Variants in ACO2 observed in about 807,000 individuals in gnomAD.
The protein encoded by ACO2 is aconitate hydratase, mitochondrial.
Under a neutral mutation model 84.5 loss-of-function variants are expected in ACO2, and 31 were observed. The ratio of observed to expected loss-of-function variants is 0.37; its 90% CI spans 0.28 to 0.50. ACO2 has a LOEUF of 0.50. ACO2 is among the 20% of genes least tolerant of loss of function. The pLI is 0.97. For synonymous variants in ACO2, 414 were observed against 412.7 expected, an observed-to-expected ratio of 1.00 and a Z score of -0.04; for missense variants, 685 against 1,029.3, an observed-to-expected ratio of 0.67 and a Z score of 4.58.
intron 1 of ACO2, among the ~76,000 whole-genome samples, chr22:41,471,594 G>C (rs1472152634): frequency 6.6e-6 from 1 of 152,160 alleles, no homozygotes; most frequent in Non-Finnish European, 1.5e-5. Flanking sequence ...AGCTTCCACT[G>C]TATTCTAATG....
Position 41,520,192 on chromosome 22 carries a change from C to T in ACO2, c.1054C>T (p.Pro352Ser). Residue 352 changes from proline (P) to serine (S), a missense_variant, in exon 9 of 18, where the codon CCC becomes TCC. By Grantham distance (74) the Pro-to-Ser change is moderately conservative. Coordinates refer to ENST00000216254, the MANE Select transcript of ACO2 (RefSeq NM_001098.3). ...LSELKPHING[P>S]FTPDLAHPVA... ...TCAGCTGAAGCCACACATCAATGGGCCCTTCACCCCTGACCTGGCTCACCC... is the reference window on the plus strand; with the variant it reads ...TCAGCTGAAGCCACACATCAATGGGTCCTTCACCCCTGACCTGGCTCACCC... The T allele has an allele frequency of 1.9e-6, 3 of 1,613,698 alleles. No individual in the cohort carries two copies. The highest frequency in any genetic ancestry group is 2.5e-6 in the Non-Finnish European group (3 of 1,179,740).
At chr22:41,483,138 C>T (rs1163565776) in intron 1 of ACO2, among the ~76,000 whole-genome samples, 1 of 152,164 alleles carries the variant, frequency 6.6e-6, no homozygotes, top group Non-Finnish European at 1.5e-5. Context: ...GAAAGTATTT[C>T]TTCTAGATGA....
intron 1 of ACO2, among the ~76,000 whole-genome samples, chr22:41,497,560 G>A (rs2066323517): frequency 6.6e-6 from 1 of 151,726 alleles, no homozygotes; most frequent in African/African-American, 2.4e-5. Context: ...GGGCAATGTA[G>A]TGAGACCCTA....
chr22:41,494,657 T>C (rs919061808), intron 1 of ACO2, among the ~76,000 whole-genome samples: 2 of 151,476 alleles, frequency 1.3e-5, no homozygotes, highest in African/African-American at 2.4e-5. Flanking sequence ...GTGATCCGCC[T>C]ACCTCGGCCT....
chr22:41,472,718 G>C (rs1477494019), intron 1 of ACO2, among the ~76,000 whole-genome samples: 2 of 152,166 alleles, frequency 1.3e-5, no homozygotes, highest in Non-Finnish European at 2.9e-5. Context: ...AAAGTGCTGA[G>C]ATTACAAGCG....
rs757401683 is a variant in ACO2, at chr22:41,527,943, C to A, written c.2129C>A (p.Ala710Asp). The A allele has an allele frequency of 2.5e-6, 4 of 1,614,092 alleles. No individual in the cohort carries two copies. In the African/African-American group the frequency reaches 5.3e-5, roughly 22 times the overall value. Residue 710 changes from alanine (A) to aspartate (D), a missense_variant, in exon 17 of 18, where the codon GCT (alanine) becomes GAT (aspartate). Physicochemically the swap from Ala to Asp is moderately radical, Grantham distance 126. Around this residue, in one of 5 missense-constraint regions of ACO2, gnomAD observed 174 missense variants for 236.6 expected, o/e 0.74. Coordinates refer to ENST00000216254, the MANE Select transcript of ACO2 (RefSeq NM_001098.3). ...KKQGLLPLTFADPADYNKIHP... is the reference protein window; with the variant it reads ...KKQGLLPLTFDDPADYNKIHP... Reference sequence around the variant, plus strand: ...CAGGGCCTGCTGCCTCTGACCTTCGCTGACCCGGCTGACTACAACAAGATT... The same window carrying A: ...CAGGGCCTGCTGCCTCTGACCTTCGATGACCCGGCTGACTACAACAAGATT...
intron 9 of ACO2, among the ~76,000 whole-genome samples, chr22:41,521,072 A>G (rs2066522473): frequency 6.6e-6 from 1 of 151,638 alleles, no homozygotes; most frequent in African/African-American, 2.4e-5. Flanking sequence ...AAGAAAAGAA[A>G]AATTACTTTT....
intron 1 of ACO2, among the ~76,000 whole-genome samples, chr22:41,498,983 AC>A: frequency 6.6e-6 from 1 of 151,850 alleles, no homozygotes; most frequent in South Asian, 2.1e-4. Context: ...AATCCCAGCT[AC>A]TGGGAAGCTG....
intron 9 of ACO2, 107 bp downstream of exon 9, chr22:41,520,383 C>CA: frequency 1.2e-6 from 1 of 839,108 alleles, no homozygotes; most frequent in Admixed American, 2.8e-5. Flanking sequence ...CTAAGGTGGG[C>CA]AGTTTCTGAA....
chr22:41,517,330 C>T (rs2066483207), intron 6 of ACO2, 197 bp from the exon 7 acceptor site: 1 of 562,048 alleles, frequency 1.8e-6, no homozygotes, highest in African/African-American at 1.9e-5. Flanking sequence ...GAGCTCTGAT[C>T]CCCATGGCCT....
rs774076940 is a variant in ACO2, at chr22:41,517,594, C to G, written c.903C>G (p.His301Gln). Residue 301 changes from histidine (H) to glutamine (Q), a missense_variant, in exon 7 of 18, where the codon CAC (histidine) becomes CAG (glutamine). Transcript: ENST00000216254. ...CCACTTCCGTGTTCCCTTACAACCACAGGATGAAGAAGTACCTGAGCAAGA... is the reference window on the plus strand; with the variant it reads ...CCACTTCCGTGTTCCCTTACAACCAGAGGATGAAGAAGTACCTGAGCAAGA... Reference protein sequence around the residue: ...GATTSVFPYNHRMKKYLSKTG... With the variant: ...GATTSVFPYNQRMKKYLSKTG... 6.2e-7 allele frequency: 1 copy of G among 1,614,086 alleles called. No individual in the cohort carries two copies. Among genetic ancestry groups the G allele is most frequent in the Non-Finnish European group, 8.5e-7 (1 of 1,180,036 alleles).
chr22:41,481,124 CT>C (rs1258359481), intron 1 of ACO2, among the ~76,000 whole-genome samples: 5 of 152,076 alleles, frequency 3.3e-5, no homozygotes, highest in Non-Finnish European at 7.4e-5. Context: ...AATCTCTGCT[CT>C]TTTACCCCCA....
In ACO2 at chr22:41,526,300, T is replaced by C. The variant is rs962117068; in HGVS notation, c.1800T>C (p.Ala600=). Residue 600 remains alanine, a synonymous_variant, in exon 15 of 18, where the codon GCT becomes GCC. Transcript: ENST00000216254. ...GTACCACTGACCACATCTCAGCTGC[T>C]GGCCCCTGGCTCAAGTTCCGTGGGC... ...GKCTTDHISA[A]GPWLKFRGHL... 1 of 1,612,570 alleles carries C rather than the reference T, an allele frequency of 6.2e-7. No homozygotes were observed. The highest frequency in any genetic ancestry group is 8.5e-7 in the Non-Finnish European group (1 of 1,180,016).
rs1012815978 is a variant in ACO2, at chr22:41,525,200, A to T, written c.1613A>T (p.Asp538Val). ...CCCCATTCCCTGCTGCAGGAGTTTG[A>T]CCCAGGGCAGGACACCTACCAGCAC... ...DADELPKGEF[D>V]PGQDTYQHPP... The change falls in exon 14 of 18, where the codon GAC (aspartate) becomes GTC (valine). Residue 538 changes from aspartate to valine, a missense_variant. Physicochemically the swap from Asp to Val is radical, Grantham distance 152. This residue lies in a region of ACO2 where 311 missense variants were observed against 441.6 expected (regional missense o/e 0.70). Coordinates refer to ENST00000216254, the MANE Select transcript of ACO2 (RefSeq NM_001098.3). 3.1e-6 allele frequency: 5 copies of T among 1,613,780 alleles called. No individual in the cohort carries two copies. In the African/African-American group the frequency reaches 6.7e-5, roughly 22 times the overall value.
At chr22:41,493,893 T>G (rs2066292597) in intron 1 of ACO2, among the ~76,000 whole-genome samples, 2 of 152,188 alleles carry the variant, frequency 1.3e-5, no homozygotes, top group South Asian at 4.1e-4. Flanking sequence ...ACCTCCTCTC[T>G]ACTAAAAGTA....
At position 41,524,774 on chromosome 22, in the gene ACO2, A is replaced by G. The variant is rs2066564012; in HGVS notation, c.1483-72A>G. On this transcript the variant is annotated intron_variant, in intron 12 of 17. Transcript: ENST00000216254. ...TGGGTTCCTTTCTCAGTTTTGGCCTAGGCTTTTGGTAGGTGCAGGAGACAG... is the reference window on the plus strand; with the variant it reads ...TGGGTTCCTTTCTCAGTTTTGGCCTGGGCTTTTGGTAGGTGCAGGAGACAG... The G allele has an allele frequency of 1.9e-6, 3 of 1,601,114 alleles. No individual in the cohort carries two copies. In the East Asian group the frequency reaches 6.7e-5, roughly 36 times the overall value.
intron 9 of ACO2, chr22:41,521,367 C>G (rs2066525334): frequency 6.6e-6 from 1 of 152,242 alleles, no homozygotes; most frequent in Admixed American, 6.5e-5. Context: ...GAGCATGGAG[C>G]CTGGAGCCAG....
chr22:41,525,234 G>T lies in ACO2; in HGVS notation c.1647G>T (p.Lys549Asn), dbSNP rs1389432398. 8.1e-6 allele frequency: 13 copies of T among 1,613,958 alleles called. No individual in the cohort carries two copies. The highest frequency in any genetic ancestry group is 1.0e-5 in the Non-Finnish European group (12 of 1,179,992). The change falls in exon 14 of 18, where the codon AAG (lysine) becomes AAT (asparagine). Residue 549 changes from lysine (K) to asparagine (N), a missense_variant. Physicochemically the swap from Lys to Asn is moderately conservative, Grantham distance 94. Around this residue, in one of 5 missense-constraint regions of ACO2, gnomAD observed 311 missense variants for 441.6 expected, o/e 0.70. Transcript: ENST00000216254. ...PGQDTYQHPP[K>N]DSSGQHVDVS... ...AGGACACCTACCAGCACCCACCCAA[G>T]GACAGCAGCGGGCAGCATGTGGACG...
At chr22:41,527,157 C>G in intron 15 of ACO2, 131 bp from the exon 16 acceptor site, 3 of 1,366,330 alleles carry the variant, frequency 2.2e-6, no homozygotes, top group Non-Finnish European at 3.0e-6. Flanking sequence ...CGAGGAAGGG[C>G]CCCTCCAGCC....
Sources: allele counts gnomAD v4.1 joint callset (sites outside exome capture counted in the v4.1 genomes callset), GRCh38; gene constraint gnomAD v4.1.1; regional missense constraint gnomAD v4.1.1; transcripts MANE v1.5; gene names NCBI Gene and HGNC (gene_info 2026-07-23, HGNC 2026-07-21).